Variants in GTF2I observed in about 807,000 individuals in gnomAD.
The protein encoded by GTF2I is general transcription factor IIi, also known as general transcription factor II-I.
GTF2I carries 12 observed loss-of-function variants against 67.6 expected under a neutral mutation model. The observed-to-expected ratio is 0.18, with a 90% CI of 0.11 to 0.29. The LOEUF is 0.29. Ranked by LOEUF, GTF2I falls within the 10% of genes least tolerant of loss-of-function variation. GTF2I has a pLI of 1.00. For missense variants in GTF2I, 271 were observed against 580.1 expected (o/e 0.47, Z 5.47); for synonymous variants, 149 against 197.0 (o/e 0.76, Z 2.04).
chr7:74,732,686 A>G (rs1479873976), intron 15 of GTF2I, 24 bp downstream of exon 15: 4 of 1,535,550 alleles, frequency 2.6e-6, no homozygotes, highest in Non-Finnish European at 3.5e-6. Flanking sequence ...ATTCCTGTTG[A>G]ACTCTTGTCT....
intron 6 of GTF2I, among the ~76,000 whole-genome samples, chr7:74,702,416 C>T (rs997987188): frequency 6.6e-6 from 1 of 151,964 alleles, no homozygotes; most frequent in Non-Finnish European, 1.5e-5. Flanking sequence ...TTAGTAGAGA[C>T]GAGGTTTCAC....
At chr7:74,670,315 T>G (rs587731747) in intron 1 of GTF2I, among the ~76,000 whole-genome samples, 126 of 152,318 alleles carry the variant, frequency 8.3e-4, no homozygotes, top group Non-Finnish European at 1.3e-3. Context: ...GAGACAGGAC[T>G]TGAATTCAGA....
At chr7:74,700,902 G>T (rs1380465739) in intron 6 of GTF2I, among the ~76,000 whole-genome samples, 4 of 152,156 alleles carry the variant, frequency 2.6e-5, no homozygotes, top group Non-Finnish European at 5.9e-5. Context: ...GGATTTAATT[G>T]ACCTAATGTC....
At chr7:74,660,472 G>A (rs1404232864) in intron 1 of GTF2I, among the ~76,000 whole-genome samples, 3 of 152,134 alleles carry the variant, frequency 2.0e-5, no homozygotes, top group African/African-American at 4.8e-5. Context: ...GATTACAGGC[G>A]TGAGCCACCG....
At chr7:74,660,783 G>A (rs1554386209) in intron 1 of GTF2I, among the ~76,000 whole-genome samples, 2 of 151,832 alleles carry the variant, frequency 1.3e-5, no homozygotes, top group African/African-American at 4.8e-5. Context: ...CACCACGCCC[G>A]GCTAAGGGCA....
At chr7:74,671,764 T>C (rs1304396040) in intron 1 of GTF2I, among the ~76,000 whole-genome samples, 1 of 152,034 alleles carries the variant, frequency 6.6e-6, no homozygotes, top group African/African-American at 2.4e-5. Context: ...GGAGGACTGC[T>C]TGAGCACGGG....
chr7:74,699,175 C>T (rs1009237889), intron 4 of GTF2I, 80 bp downstream of exon 4: 123 of 664,636 alleles, frequency 1.9e-4, no homozygotes, highest in Non-Finnish European at 2.5e-4. Context: ...GTAATTGATT[C>T]GAAAATCATA....
chr7:74,694,690 G>A (rs78769825), intron 3 of GTF2I, among the ~76,000 whole-genome samples: 73 of 152,316 alleles, frequency 4.8e-4, no homozygotes, highest in African/African-American at 1.7e-3. Context: ...ATCTAGCTGA[G>A]GTAATTCATG....
chr7:74,726,868 GATA>G (rs1554405781), intron 12 of GTF2I: 1 of 151,116 alleles, frequency 6.6e-6, no homozygotes, highest in Non-Finnish European at 1.5e-5. Flanking sequence ...TAGATAGATA[GATA>G]GATAGATAGA....
intron 1 of GTF2I, among the ~76,000 whole-genome samples, chr7:74,658,581 G>T (rs1174571554): frequency 2.7e-5 from 4 of 150,626 alleles, no homozygotes; most frequent in Non-Finnish European, 4.4e-5. Context: ...GGGCTCCTGC[G>T]CCGGGGCAGC....
At chr7:74,708,116 A>G (rs587769850) in intron 8 of GTF2I, among the ~76,000 whole-genome samples, 37 of 152,250 alleles carry the variant, frequency 2.4e-4, no homozygotes, top group African/African-American at 8.2e-4. Context: ...CCTGGCCAAC[A>G]TGGTGAAACC....
intron 1 of GTF2I, among the ~76,000 whole-genome samples, chr7:74,674,741 T>G (rs1805746300): frequency 6.6e-6 from 1 of 151,158 alleles, no homozygotes; most frequent in Admixed American, 6.6e-5. Context: ...GAGACGGGGT[T>G]TCTCCATGTT....
intron 12 of GTF2I, chr7:74,726,632 C>G (rs1182620336): frequency 6.6e-6 from 1 of 152,216 alleles, no homozygotes; most frequent in Non-Finnish European, 1.5e-5. Flanking sequence ...TCACTTGAGG[C>G]CAGGAGTTTC....
chr7:74,706,507 G>A lies in GTF2I; in HGVS notation c.685+74G>A, dbSNP rs587608701. 3.1e-5 allele frequency: 34 copies of A among 1,109,482 alleles called. No homozygotes were observed. The African/African-American group carries it at 3.5e-4, about 12-fold the overall frequency. 68.7% of individuals were successfully genotyped at this position (1,109,482 alleles called of 1,614,324 possible). On this transcript the variant is annotated intron_variant, in intron 8 of 34. Coordinates refer to ENST00000573035, the MANE Select transcript of GTF2I (RefSeq NM_032999.4). Reference sequence around the variant, plus strand: ...TCCTTAGTGTAGAAGTTTATAGTTTGACTCAATTATTGTTTTGTTTTGATA... The same window carrying A: ...TCCTTAGTGTAGAAGTTTATAGTTTAACTCAATTATTGTTTTGTTTTGATA...
At chr7:74,691,200 C>CT in intron 3 of GTF2I, 89 bp downstream of exon 3, 1 of 858,304 alleles carries the variant, frequency 1.2e-6, no homozygotes. Context: ...TTCTTTCTTT[C>CT]TTTCTTTCTT....
Position 74,657,737 on chromosome 7 carries a change from C to G in GTF2I, c.-337C>G, listed in dbSNP as rs1190066454. On this transcript the variant is annotated 5_prime_UTR_variant, in exon 1 of 35. Coordinates refer to ENST00000573035, the MANE Select transcript of GTF2I (RefSeq NM_032999.4). ...GAGGGTGAGAGAGAAGCTGGGAGAG[C>G]AGAGAAAAGGGGCCACCGGTCGCCC... The G allele has an allele frequency of 1.4e-5, 2 of 148,084 alleles. No homozygotes were observed. The highest frequency in any genetic ancestry group is 3.0e-5 in the Non-Finnish European group (2 of 67,388). The allele number at this position is 148,084 out of a possible 1,614,324, so 9.2% of individuals were successfully genotyped here.
intron 12 of GTF2I, among the ~76,000 whole-genome samples, chr7:74,723,788 C>A (rs2267812): frequency 0.83 from 125,642 of 151,402 alleles, 52,274 homozygotes; most frequent in East Asian, 0.95. Flanking sequence ...GAGTGTTTTG[C>A]AAATAAGAGT....
At chr7:74,687,424 T>C (rs1352106980) in intron 1 of GTF2I, 1 of 181,876 alleles carries the variant, frequency 5.5e-6, no homozygotes, top group Non-Finnish European at 1.0e-5. Flanking sequence ...GGTTTCACCA[T>C]GTTGGCCATG....
At chr7:74,693,677 T>C (rs1225347819) in intron 3 of GTF2I, among the ~76,000 whole-genome samples, 9 of 152,008 alleles carry the variant, frequency 5.9e-5, no homozygotes, top group African/African-American at 2.2e-4. Context: ...AAACACCATC[T>C]CTACTAAAAA....
Sources: gnomAD v4.1 joint callset for allele counts (sites outside exome capture counted in the v4.1 genomes callset) on GRCh38, gnomAD v4.1.1 for gene constraint, MANE v1.5 for transcripts, NCBI Gene and HGNC (gene_info 2026-07-23, HGNC 2026-07-21) for gene names.